Variants in NETO1 observed in about 807,000 individuals in gnomAD.
NETO1 encodes neuropilin and tolloid-like protein 1.
Under a neutral mutation model 61.3 loss-of-function variants are expected in NETO1, and 26 were observed. That is an observed-to-expected ratio of 0.42 (90% CI 0.31 to 0.59). The LOEUF is 0.59. Among genes scored for constraint, NETO1 ranks in the 20% least tolerant of loss-of-function variants. The pLI is 0.12. For synonymous variants in NETO1, 225 were observed against 225.8 expected (o/e 1.00, Z 0.03); for missense variants, 531 against 662.8 (o/e 0.80, Z 2.18).
intron 4 of NETO1, among the ~76,000 whole-genome samples, chr18:72,805,292 CTAAAATACAAAT>C (rs1287739371): frequency 6.6e-6 from 1 of 152,046 alleles, no homozygotes; most frequent in African/African-American, 2.4e-5. Context: ...ATAATACAAA[CTAAAATACAAAT>C]GAATCAAATT....
At chr18:72,848,042 T>C (rs1028539718) in intron 4 of NETO1, among the ~76,000 whole-genome samples, 1 of 152,224 alleles carries the variant, frequency 6.6e-6, no homozygotes, top group Non-Finnish European at 1.5e-5. Flanking sequence ...TTTCACATTG[T>C]GCCTTCTGGC....
rs1323821769 is a variant in NETO1 at position 72,750,435 on chromosome 18, G to T, written c.1168C>A (p.Pro390Thr). The T allele has an allele frequency of 2.5e-6, 4 of 1,614,016 alleles. No individual in the cohort carries two copies. The highest frequency in any genetic ancestry group is 3.4e-6 in the Non-Finnish European group (4 of 1,180,032). ...AGAGTGCATAACTCATAATGAGGAGGTTCAAATACCTCCTGGAAAACTGTC... is the reference window on the plus strand; with the variant it reads ...AGAGTGCATAACTCATAATGAGGAGTTTCAAATACCTCCTGGAAAACTGTC... ...DQTVFQEVFE[P>T]PHYELCTLRG... is the part of the protein sequence containing the mutation. The change falls in exon 9 of 11, where the codon CCT (proline) becomes ACT (threonine). Residue 390 changes from proline to threonine, a missense_variant. Transcript: ENST00000327305.
intron 10 of NETO1, 110 bp downstream of exon 10, chr18:72,748,904 A>T: frequency 1.3e-6 from 1 of 745,346 alleles, no homozygotes; most frequent in Admixed American, 2.2e-5. Flanking sequence ...CATGAAACAC[A>T]TATCTCAAGA....
chr18:72,834,162 CAT>C (rs1568239770), intron 4 of NETO1: 1 of 716,010 alleles, frequency 1.4e-6, no homozygotes, highest in Admixed American at 6.3e-5. Flanking sequence ...GTTTAAAAAA[CAT>C]TTTAATATTT....
intron 6 of NETO1, 127 bp from the exon 7 acceptor site, chr18:72,784,033 T>A: frequency 1.5e-6 from 1 of 664,966 alleles, no homozygotes; most frequent in South Asian, 1.9e-5. Flanking sequence ...TATTTTCCCT[T>A]GTGAATAGAA....
chr18:72,812,568 G>A (rs2072902733), intron 4 of NETO1, among the ~76,000 whole-genome samples: 1 of 152,060 alleles, frequency 6.6e-6, no homozygotes, highest in Non-Finnish European at 1.5e-5. Flanking sequence ...TCCTTTCTTT[G>A]GAAGTTTTGA....
chr18:72,825,474 T>C (rs1437887733), intron 4 of NETO1, among the ~76,000 whole-genome samples: 1 of 152,142 alleles, frequency 6.6e-6, no homozygotes, highest in Non-Finnish European at 1.5e-5. Flanking sequence ...TTTTATTAAT[T>C]CTTTTCAAAA....
At chr18:72,752,975 A>C (rs1366796763) in intron 8 of NETO1, among the ~76,000 whole-genome samples, 1 of 152,130 alleles carries the variant, frequency 6.6e-6, no homozygotes, top group African/African-American at 2.4e-5. Context: ...ATGAGTTTCA[A>C]AACAAGAAGG....
chr18:72,803,428 G>A (rs1353278522), intron 4 of NETO1, among the ~76,000 whole-genome samples: 1 of 152,106 alleles, frequency 6.6e-6, no homozygotes, highest in African/African-American at 2.4e-5. Flanking sequence ...TCATCAATAC[G>A]GTTTGATATT....
At chr18:72,841,536 C>G (rs1032449508) in intron 4 of NETO1, among the ~76,000 whole-genome samples, 5 of 151,776 alleles carry the variant, frequency 3.3e-5, no homozygotes, top group African/African-American at 1.2e-4. Flanking sequence ...AGTTTGAGAC[C>G]AGTCTGGCCA....
intron 4 of NETO1, among the ~76,000 whole-genome samples, chr18:72,840,080 G>C (rs964837987): frequency 6.6e-6 from 1 of 152,148 alleles, no homozygotes. Flanking sequence ...AAACAGTATG[G>C]TTTTCAGTCT....
chr18:72,781,150 T>C (rs1266952326), intron 7 of NETO1, among the ~76,000 whole-genome samples: 1 of 152,206 alleles, frequency 6.6e-6, no homozygotes, highest in Non-Finnish European at 1.5e-5. Flanking sequence ...TTTTATGGTA[T>C]ACTTTTGATT....
chr18:72,852,495 G>A (rs1277062489), intron 4 of NETO1, among the ~76,000 whole-genome samples: 1 of 152,124 alleles, frequency 6.6e-6, no homozygotes, highest in Non-Finnish European at 1.5e-5. Context: ...GATTACAGGC[G>A]TGAGCCACCG....
At chr18:72,865,747 G>C (rs1279346712) in intron 1 of NETO1, 1 of 1,437,336 alleles carries the variant, frequency 7.0e-7, no homozygotes, top group African/African-American at 1.4e-5. Flanking sequence ...TGTGGAGGAG[G>C]AGAATAAGCA....
Position 72,772,817 on chromosome 18 carries a change from CTCTCTCTCTATATATATATATATATATA to C in NETO1, c.868+10833_868+10860del, listed in dbSNP as rs1453013468. Among the ~76,000 whole-genome samples the C allele has an allele frequency of 1.6e-3, 86 of 54,318 alleles. 5 individuals are homozygous for C. Among genetic ancestry groups the C allele is most frequent in the Admixed American group, 6.5e-3 (32 of 4,920 alleles). 35.6% of individuals were successfully genotyped at this position (54,318 alleles called of 152,430 possible). A position where few individuals can be genotyped will look rare whatever the true frequency, so the allele number is the denominator to read the frequency against. On this transcript the variant is annotated intron_variant, in intron 7 of 10. Coordinates refer to ENST00000327305, the MANE Select transcript of NETO1 (RefSeq NM_138966.5). ...GTTCTCTCTCTCTCTCTCTCTCTCT[CTCTCTCTCTATATATATATATATATATA>C]TATATATATATATATATATATATAT...
At chr18:72,815,751 T>G (rs2073012129) in intron 4 of NETO1, among the ~76,000 whole-genome samples, 1 of 152,110 alleles carries the variant, frequency 6.6e-6, no homozygotes, top group South Asian at 2.1e-4. Flanking sequence ...TGGCATAGAT[T>G]TTGGACTGAG....
chr18:72,854,059 T>C (rs1328591944), intron 4 of NETO1, among the ~76,000 whole-genome samples: 1 of 152,220 alleles, frequency 6.6e-6, no homozygotes, highest in Non-Finnish European at 1.5e-5. Flanking sequence ...TTTCATTTAA[T>C]ATGCATAGAA....
At chr18:72,795,841 G>T (rs2072292639) in intron 4 of NETO1, among the ~76,000 whole-genome samples, 1 of 152,140 alleles carries the variant, frequency 6.6e-6, no homozygotes, top group South Asian at 2.1e-4. Flanking sequence ...GTGATCTCTT[G>T]AACTTATTAT....
chr18:72,762,552 A>G (rs965007407), intron 7 of NETO1, among the ~76,000 whole-genome samples: 5 of 152,234 alleles, frequency 3.3e-5, no homozygotes, highest in Non-Finnish European at 5.9e-5. Flanking sequence ...AGGATAACTC[A>G]TAAGTTTGCA....
Sources: gnomAD v4.1 joint callset for allele counts (sites outside exome capture counted in the v4.1 genomes callset) on GRCh38, gnomAD v4.1.1 for gene constraint, MANE v1.5 for transcripts, NCBI Gene and HGNC (gene_info 2026-07-23, HGNC 2026-07-21) for gene names.